FRMPD2: variants seen among roughly 807,000 people sequenced by gnomAD.
FRMPD2 encodes the protein FERM and PDZ domain-containing protein 2.
In FRMPD2, 96 loss-of-function variants were observed where a neutral mutation model predicts 140.1. The observed-to-expected ratio is 0.69, with a 90% CI of 0.58 to 0.81. FRMPD2 has a LOEUF of 0.81. FRMPD2 is among the 40% of genes least tolerant of loss of function. FRMPD2 has a pLI of 0.00. For missense variants in FRMPD2, 1,240 were observed against 1,447.4 expected (o/e 0.86, Z 2.32); for synonymous variants, 449 against 547.6 (o/e 0.82, Z 2.52).
intron 3 of FRMPD2, among the ~76,000 whole-genome samples, chr10:48,247,081 T>A (rs2131959411): frequency 6.6e-6 from 1 of 152,344 alleles, no homozygotes; most frequent in South Asian, 2.1e-4. Context: ...TGGCCAGGAC[T>A]CAGCAATACA....
chr10:48,203,896 T>C (rs1032717692), intron 14 of FRMPD2, among the ~76,000 whole-genome samples: 2 of 152,152 alleles, frequency 1.3e-5, no homozygotes, highest in African/African-American at 2.4e-5. Context: ...CACCAGGTGG[T>C]GTTGGGTGAT....
At chr10:48,257,279 C>A (rs764600503) in intron 1 of FRMPD2, among the ~76,000 whole-genome samples, 21 of 146,534 alleles carry the variant, frequency 1.4e-4, no homozygotes, top group Non-Finnish European at 2.5e-4. Flanking sequence ...ATTTTATTTA[C>A]TTATTATTAT....
At chr10:48,230,337 A>G (rs928418731) in intron 10 of FRMPD2, among the ~76,000 whole-genome samples, 26 of 152,206 alleles carry the variant, frequency 1.7e-4, no homozygotes, top group South Asian at 4.1e-4. Context: ...ACAATACTTA[A>G]AATTGGTTAT....
At chr10:48,169,616 A>ACT (rs1278418972) in intron 26 of FRMPD2, among the ~76,000 whole-genome samples, 1 of 86,738 alleles carries the variant, frequency 1.2e-5, no homozygotes, top group African/African-American at 3.8e-5. Context: ...GATTTCTCAA[A>ACT]CTCTTGGCAC....
chr10:48,245,690 G>A (rs1216663835), intron 3 of FRMPD2, among the ~76,000 whole-genome samples: 4 of 152,100 alleles, frequency 2.6e-5, no homozygotes, highest in Admixed American at 1.3e-4. Flanking sequence ...ATCCTGTGAC[G>A]TAGGTACTTT....
intron 2 of FRMPD2, among the ~76,000 whole-genome samples, chr10:48,250,768 C>T (rs1203290005): frequency 6.6e-6 from 1 of 151,352 alleles, no homozygotes; most frequent in Non-Finnish European, 1.5e-5. Context: ...ATTAACCTCC[C>T]CTGTTTAGAA....
intron 12 of FRMPD2, among the ~76,000 whole-genome samples, chr10:48,215,639 TG>T (rs1839428757): frequency 6.6e-6 from 1 of 152,160 alleles, no homozygotes; most frequent in African/African-American, 2.4e-5. Context: ...GGTCTGCCTT[TG>T]GGGGCCACAT....
chr10:48,215,954 G>T (rs564232854), intron 12 of FRMPD2, among the ~76,000 whole-genome samples: 1 of 152,310 alleles, frequency 6.6e-6, no homozygotes, highest in South Asian at 2.1e-4. Context: ...GAGTAAAGCA[G>T]ATGGCCCTCC....
chr10:48,267,167 A>C (rs1840692808), intron 1 of FRMPD2, among the ~76,000 whole-genome samples: 1 of 152,202 alleles, frequency 6.6e-6, no homozygotes, highest in African/African-American at 2.4e-5. Flanking sequence ...GCTATTGCTC[A>C]TCATATCAAA....
chr10:48,182,246 T>A (rs548818737), intron 20 of FRMPD2, among the ~76,000 whole-genome samples: 1 of 152,314 alleles, frequency 6.6e-6, no homozygotes, highest in Admixed American at 6.5e-5. Flanking sequence ...GATTCTGTCA[T>A]CATTGTCCTT....
chr10:48,269,533 C>T (rs1015616040), intron 1 of FRMPD2, among the ~76,000 whole-genome samples: 1 of 152,154 alleles, frequency 6.6e-6, no homozygotes, highest in African/African-American at 2.4e-5. Flanking sequence ...GAGAGCATAG[C>T]CTTCTCTCCT....
intron 20 of FRMPD2, among the ~76,000 whole-genome samples, chr10:48,181,494 T>A (rs1248167791): frequency 1.3e-5 from 2 of 152,092 alleles, no homozygotes; most frequent in African/African-American, 4.8e-5. Flanking sequence ...ACTGAGCACA[T>A]CTGCAGCCAC....
chr10:48,254,205 A>G (rs1406032648), intron 1 of FRMPD2, among the ~76,000 whole-genome samples: 1 of 152,228 alleles, frequency 6.6e-6, no homozygotes, highest in East Asian at 1.9e-4. Flanking sequence ...ATCTGTCCGC[A>G]GTGGCAAGTT....
intron 10 of FRMPD2, among the ~76,000 whole-genome samples, chr10:48,227,143 T>C (rs1839741597): frequency 1.3e-5 from 2 of 152,210 alleles, no homozygotes. Flanking sequence ...AAATTTGAAT[T>C]GGCAGGAGAA....
chr10:48,200,340 A>G (rs549348064), intron 15 of FRMPD2, among the ~76,000 whole-genome samples: 2 of 152,226 alleles, frequency 1.3e-5, no homozygotes, highest in African/African-American at 4.8e-5. Context: ...TCCTCGAATC[A>G]GGGCTCAGCT....
At chr10:48,238,145 G>T in intron 7 of FRMPD2, 22 bp from the exon 8 acceptor site, 1 of 1,602,312 alleles carries the variant, frequency 6.2e-7, no homozygotes, top group Non-Finnish European at 8.5e-7. Flanking sequence ...TTGAGAAGGG[G>T]TGAAGCACTT....
intron 1 of FRMPD2, among the ~76,000 whole-genome samples, chr10:48,266,357 T>A (rs1446307641): frequency 6.6e-6 from 1 of 152,120 alleles, no homozygotes; most frequent in Non-Finnish European, 1.5e-5. Context: ...CATGTACCCC[T>A]GTACCTAAAA....
intron 7 of FRMPD2, among the ~76,000 whole-genome samples, chr10:48,239,218 C>A (rs1840041987): frequency 1.3e-5 from 2 of 152,224 alleles, no homozygotes; most frequent in African/African-American, 4.8e-5. Context: ...CTGAGCACAG[C>A]CTAAATGACC....
At chr10:48,244,479 T>C (rs1365089573) in intron 4 of FRMPD2, among the ~76,000 whole-genome samples, 1 of 152,244 alleles carries the variant, frequency 6.6e-6, no homozygotes, top group Non-Finnish European at 1.5e-5. Context: ...AATCTGTATC[T>C]TCAGTGTCTA....
Sources: allele counts gnomAD v4.1 joint callset (sites outside exome capture counted in the v4.1 genomes callset), GRCh38; gene constraint gnomAD v4.1.1; transcripts MANE v1.5; gene names NCBI Gene and HGNC (gene_info 2026-07-23, HGNC 2026-07-21).